STPG1: variants seen among roughly 807,000 people sequenced by gnomAD.
STPG1 encodes O(6)-methylguanine-induced apoptosis 2.
Under a neutral mutation model 40.1 loss-of-function variants are expected in STPG1, and 33 were observed. The observed-to-expected ratio is 0.82, with a 90% CI of 0.62 to 1.10. The LOEUF is 1.10. Ranked by LOEUF, STPG1 falls within the 50% of genes least tolerant of loss-of-function variation. STPG1 has a pLI of 0.00. For synonymous variants in STPG1, 150 were observed against 155.0 expected, an observed-to-expected ratio of 0.97 and a Z score of 0.24; for missense variants, 396 against 415.1, an observed-to-expected ratio of 0.95 and a Z score of 0.40.
rs1030750694 is a variant in STPG1, at chr1:24,359,528, G to A, written c.929-909C>T. ...ACCACATTTGCAAGGCCAAAGCTAG[G>A]AGAATGACCTTCTCCTGGCCCAGTC... On this transcript the variant is annotated intron_variant, in intron 8 of 8. Transcript: ENST00000337248. The surrounding 1 kb of genome is among the most constrained non-coding windows in gnomAD (Gnocchi z 5.3). Among the ~76,000 whole-genome samples the A allele has an allele frequency of 4.6e-5, 7 of 152,190 alleles. No homozygotes were observed. The highest frequency in any genetic ancestry group is 1.7e-4 in the African/African-American group (7 of 41,442).
chr1:24,400,468 T>C (rs1206462476), intron 2 of STPG1, among the ~76,000 whole-genome samples: 4 of 152,240 alleles, frequency 2.6e-5, no homozygotes, highest in Non-Finnish European at 5.9e-5. Flanking sequence ...GAATATTCAT[T>C]AAGCTATACA....
chr1:24,369,603 C>T, intron 7 of STPG1, 71 bp downstream of exon 7: 1 of 1,505,842 alleles, frequency 6.6e-7, no homozygotes, highest in Non-Finnish European at 9.0e-7. Flanking sequence ...GACACCCCAT[C>T]CTTTTCTCTA....
chr1:24,359,028 G>A lies in STPG1; in HGVS notation c.929-409C>T, dbSNP rs985214754. 1.3e-5 allele frequency among the ~76,000 whole-genome samples: 2 copies of A among 152,188 alleles called. No homozygotes were observed. The highest frequency in any genetic ancestry group is 4.8e-5 in the African/African-American group (2 of 41,452). ...GACATGGTTCTATAGGAGATGAGCA[G>A]GGCTTGGGAACTGTAGCCCCAGGTG... On this transcript the variant is annotated intron_variant, in intron 8 of 8. Coordinates refer to ENST00000337248, the MANE Select transcript of STPG1 (RefSeq NM_001199013.2). The surrounding 1 kb of genome is among the most constrained non-coding windows in gnomAD (Gnocchi z 5.3).
rs936076466 is a variant in STPG1, at chr1:24,399,537, A to C, written c.70+1782T>G. On this transcript the variant is annotated intron_variant, in intron 2 of 8. Transcript: ENST00000337248. This position sits in a 1 kb window ranked among gnomAD's most constrained non-coding sequence, Gnocchi z 4.0. The stretch of plus-strand genomic sequence containing the variant: ...TACACTAAACATAAAGAGACTGATA[A>C]ATTGGGCTATATTAAAATCAAGAGT... Among the ~76,000 whole-genome samples the C allele has an allele frequency of 6.6e-6, 1 of 152,162 alleles. No homozygotes were observed. The highest frequency in any genetic ancestry group is 1.5e-5 in the Non-Finnish European group (1 of 68,022).
intron 4 of STPG1, among the ~76,000 whole-genome samples, chr1:24,380,927 C>G (rs1314910016): frequency 6.6e-6 from 1 of 152,212 alleles, no homozygotes; most frequent in African/African-American, 2.4e-5. Context: ...TTTGCTGATG[C>G]TCCTAGAAGT....
intron 2 of STPG1, 108 bp from the exon 3 acceptor site, chr1:24,391,787 A>G: frequency 8.4e-7 from 1 of 1,185,828 alleles, no homozygotes; most frequent in Non-Finnish European, 1.1e-6. Context: ...GGTAGAGAAG[A>G]GAAACTTGCC....
At chr1:24,379,876 G>A in intron 4 of STPG1, 53 bp from the exon 5 acceptor site, 1 of 1,566,888 alleles carries the variant, frequency 6.4e-7, no homozygotes, top group Non-Finnish European at 8.7e-7. Flanking sequence ...TTGTGGATCT[G>A]AAGGACAGAT....
At chr1:24,364,222 C>A in intron 7 of STPG1, 1 of 1,544,364 alleles carries the variant, frequency 6.5e-7, no homozygotes, top group Non-Finnish European at 8.7e-7. Context: ...GTCTCGCCAC[C>A]CCCCACCTGA....
chr1:24,375,566 G>A (rs530472080), intron 5 of STPG1, among the ~76,000 whole-genome samples: 219 of 152,204 alleles, frequency 1.4e-3, no homozygotes, highest in African/African-American at 5.0e-3. Context: ...CCAGGTTGCC[G>A]GAGAGAAGGT....
intron 1 of STPG1, among the ~76,000 whole-genome samples, chr1:24,407,493 T>C (rs1317670696): frequency 6.6e-6 from 1 of 150,906 alleles, no homozygotes; most frequent in Non-Finnish European, 1.5e-5. Flanking sequence ...CCAGGCTGGA[T>C]TGCAGTGGCG....
chr1:24,405,557 C>G (rs144257079), intron 1 of STPG1, among the ~76,000 whole-genome samples: 1 of 152,060 alleles, frequency 6.6e-6, no homozygotes, highest in African/African-American at 2.4e-5. Flanking sequence ...ATAGTCTGTT[C>G]AAGTCTTTTA....
intron 5 of STPG1, 62 bp from the exon 6 acceptor site, chr1:24,373,872 T>C (rs1641877079): frequency 4.9e-6 from 6 of 1,229,030 alleles, no homozygotes; most frequent in Non-Finnish European, 7.1e-6. Context: ...TTCGTCATCA[T>C]GCCTGGACAA....
chr1:24,378,876 G>A (rs1642153528), intron 5 of STPG1, among the ~76,000 whole-genome samples: 1 of 152,136 alleles, frequency 6.6e-6, no homozygotes, highest in Admixed American at 6.5e-5. Context: ...ATTGTACAGT[G>A]GGGGCTGTGA....
chr1:24,362,138 C>G (rs1569966883), intron 7 of STPG1, among the ~76,000 whole-genome samples: 1 of 152,204 alleles, frequency 6.6e-6, no homozygotes, highest in African/African-American at 2.4e-5. Context: ...GCCAGCCCAT[C>G]CAAGCAAAGG....
intron 7 of STPG1, chr1:24,364,564 C>G: frequency 1.0e-6 from 1 of 968,248 alleles, no homozygotes; most frequent in Non-Finnish European, 1.4e-6. Flanking sequence ...GCCCCTAGCC[C>G]TATCCCGGGA....
At chr1:24,363,274 T>C (rs1421859989) in intron 7 of STPG1, among the ~76,000 whole-genome samples, 1 of 152,332 alleles carries the variant, frequency 6.6e-6, no homozygotes, top group Non-Finnish European at 1.5e-5. Flanking sequence ...TCCTTCAGTA[T>C]GCCCAGGAGA....
chr1:24,393,484 C>T (rs575571636), intron 2 of STPG1, among the ~76,000 whole-genome samples: 42 of 152,150 alleles, frequency 2.8e-4, no homozygotes, highest in Admixed American at 2.7e-3. Flanking sequence ...TATAGAACAG[C>T]TAAGAGAGTG....
chr1:24,383,862 C>T (rs369791632), intron 4 of STPG1, 40 bp downstream of exon 4: 2 of 1,254,530 alleles, frequency 1.6e-6, no homozygotes, highest in Non-Finnish European at 2.3e-6. Flanking sequence ...AAGGAAATTA[C>T]TGACCAGTTA....
chr1:24,393,770 T>C (rs1485485944), intron 2 of STPG1, among the ~76,000 whole-genome samples: 1 of 152,068 alleles, frequency 6.6e-6, no homozygotes, highest in Non-Finnish European at 1.5e-5. Context: ...GCAAGATATA[T>C]AAAGCAATCA....
Sources: allele counts gnomAD v4.1 joint callset (sites outside exome capture counted in the v4.1 genomes callset), GRCh38; gene constraint gnomAD v4.1.1; non-coding constraint Gnocchi (gnomAD v3.1); transcripts MANE v1.5; gene names NCBI Gene and HGNC (gene_info 2026-07-23, HGNC 2026-07-21).